The following COG5 variants were observed in gnomAD, a reference collection of about 807,000 sequenced individuals.
COG5 encodes conserved oligomeric Golgi complex subunit 5.
In COG5, 86 loss-of-function variants were observed where a neutral mutation model predicts 110.4. That is an observed-to-expected ratio of 0.78 (90% CI 0.65 to 0.93). The LOEUF is 0.93. COG5 is among the 40% of genes least tolerant of loss of function. COG5 has a pLI of 0.00. For synonymous variants in COG5, 360 were observed against 334.6 expected, an observed-to-expected ratio of 1.08 and a Z score of -0.83; for missense variants, 1,077 against 987.0, an observed-to-expected ratio of 1.09 and a Z score of -1.22.
intron 10 of COG5, among the ~76,000 whole-genome samples, chr7:107,338,303 A>G (rs1381901693): frequency 1.3e-5 from 2 of 152,154 alleles, no homozygotes; most frequent in Admixed American, 6.5e-5. Context: ...CAAGACATAT[A>G]GGCCAATGAC....
chr7:107,426,730 T>C (rs1159547853), intron 6 of COG5, among the ~76,000 whole-genome samples: 1 of 152,196 alleles, frequency 6.6e-6, no homozygotes, highest in African/African-American at 2.4e-5. Flanking sequence ...AAACATTCTG[T>C]CCATTGCAGT....
intron 6 of COG5, among the ~76,000 whole-genome samples, chr7:107,419,877 T>G (rs1046378053): frequency 2.0e-5 from 3 of 152,166 alleles, no homozygotes; most frequent in Non-Finnish European, 4.4e-5. Flanking sequence ...CAAGAGTTTA[T>G]AGTTTTAAAT....
At chr7:107,209,982 A>G in intron 21 of COG5, 2 of 990,464 alleles carry the variant, frequency 2.0e-6, no homozygotes, top group South Asian at 4.6e-5. Flanking sequence ...CACCCTGGGC[A>G]TGGTTGGGGT....
intron 6 of COG5, among the ~76,000 whole-genome samples, chr7:107,441,103 A>C (rs1438880846): frequency 6.6e-6 from 1 of 151,412 alleles, no homozygotes; most frequent in Non-Finnish European, 1.5e-5. Context: ...AATACAAAAA[A>C]AATTAGCCGG....
At chr7:107,299,880 A>ATATATATAT (rs1807110919) in intron 11 of COG5, among the ~76,000 whole-genome samples, 1 of 142,900 alleles carries the variant, frequency 7.0e-6, no homozygotes, top group Admixed American at 7.1e-5. Flanking sequence ...TGGAATATAT[A>ATATATATAT]TATATATATA....
At chr7:107,554,218 A>C (rs1803128155) in intron 3 of COG5, 67 bp downstream of exon 3, 1 of 1,375,296 alleles carries the variant, frequency 7.3e-7, no homozygotes, top group Non-Finnish European at 1.0e-6. Context: ...CATCCAAAGT[A>C]GCTTGCCAAA....
At chr7:107,549,657 C>A (rs1390808162) in intron 3 of COG5, among the ~76,000 whole-genome samples, 5 of 151,852 alleles carry the variant, frequency 3.3e-5, no homozygotes, top group Admixed American at 3.3e-4. Flanking sequence ...CCACCTTGGC[C>A]TCCGAAAGTG....
intron 12 of COG5, among the ~76,000 whole-genome samples, chr7:107,293,452 C>T (rs1019094664): frequency 2.6e-5 from 4 of 152,126 alleles, no homozygotes; most frequent in African/African-American, 9.7e-5. Flanking sequence ...GCGGGTAAGA[C>T]GGGAACAATC....
intron 6 of COG5, among the ~76,000 whole-genome samples, chr7:107,514,669 T>C (rs1799792906): frequency 6.6e-6 from 1 of 152,208 alleles, no homozygotes; most frequent in Admixed American, 6.5e-5. Flanking sequence ...TAGGACCCAC[T>C]GGAATATACA....
chr7:107,422,195 G>A (rs1177810069), intron 6 of COG5, among the ~76,000 whole-genome samples: 1 of 152,136 alleles, frequency 6.6e-6, no homozygotes, highest in African/African-American at 2.4e-5. Flanking sequence ...TAATCTCCTA[G>A]TAATACCAAC....
intron 15 of COG5, 49 bp downstream of exon 15, chr7:107,258,224 G>T (rs1803030473): frequency 1.8e-6 from 2 of 1,108,588 alleles, no homozygotes; most frequent in Admixed American, 1.7e-5. Flanking sequence ...CAAATTTGAG[G>T]CAAGAAGAAT....
At chr7:107,318,790 C>T (rs1007358517) in intron 11 of COG5, among the ~76,000 whole-genome samples, 1 of 152,210 alleles carries the variant, frequency 6.6e-6, no homozygotes, top group African/African-American at 2.4e-5. Flanking sequence ...AACTTAATTG[C>T]TTCCATAAAC....
At chr7:107,475,314 T>G (rs780617291) in intron 6 of COG5, 2 of 1,576,716 alleles carry the variant, frequency 1.3e-6, no homozygotes, top group Non-Finnish European at 1.7e-6. Flanking sequence ...CCTTTGAAGA[T>G]AGTGAAATAA....
intron 10 of COG5, among the ~76,000 whole-genome samples, chr7:107,356,680 A>G (rs1454715508): frequency 6.6e-6 from 1 of 152,174 alleles, no homozygotes; most frequent in African/African-American, 2.4e-5. Flanking sequence ...GATACTTGCT[A>G]GTAATGATTG....
chr7:107,483,207 G>A lies in COG5; in HGVS notation c.538+44030C>T, dbSNP rs78393140. Among the ~76,000 whole-genome samples the A allele has an allele frequency of 8.9e-3, 1,360 of 152,118 alleles. 14 individuals are homozygous for A. The highest frequency in any genetic ancestry group is 0.031 in the African/African-American group (1,283 of 41,486). On this transcript the variant is annotated intron_variant, in intron 6 of 21. Coordinates refer to ENST00000297135, the MANE Select transcript of COG5 (RefSeq NM_006348.5). The stretch of plus-strand genomic sequence containing the variant: ...GTAACACTGATACTTGATAAATGCC[G>A]CAAATGGTATTACGGAAACACTACT...
intron 7 of COG5, among the ~76,000 whole-genome samples, chr7:107,404,466 G>A (rs1400639629): frequency 1.3e-5 from 2 of 152,228 alleles, no homozygotes; most frequent in East Asian, 3.9e-4. Context: ...ATACATGCGA[G>A]AATATAATTT....
At chr7:107,212,462 A>C (rs974350438) in intron 19 of COG5, among the ~76,000 whole-genome samples, 1 of 152,256 alleles carries the variant, frequency 6.6e-6, no homozygotes, top group Non-Finnish European at 1.5e-5. Context: ...TCAAGTATCT[A>C]AACAAATATG....
intron 7 of COG5, among the ~76,000 whole-genome samples, chr7:107,391,186 C>T (rs893909565): frequency 3.9e-5 from 6 of 151,964 alleles, no homozygotes; most frequent in South Asian, 2.1e-4. Context: ...AATAAATGCC[C>T]GGAAGGCCAG....
chr7:107,458,856 G>A (rs941526092), intron 6 of COG5, among the ~76,000 whole-genome samples: 1 of 151,556 alleles, frequency 6.6e-6, no homozygotes, highest in Non-Finnish European at 1.5e-5. Flanking sequence ...GAGAATTCAT[G>A]TATTTCATGT....
Sources: gnomAD v4.1 joint callset for allele counts (sites outside exome capture counted in the v4.1 genomes callset) on GRCh38, gnomAD v4.1.1 for gene constraint, MANE v1.5 for transcripts, NCBI Gene and HGNC (gene_info 2026-07-23, HGNC 2026-07-21) for gene names.